CRY1: variants seen among roughly 807,000 people sequenced by gnomAD.
CRY1 encodes the protein cryptochrome-1.
CRY1 carries 45 observed loss-of-function variants against 76.0 expected under a neutral mutation model. The ratio of observed to expected loss-of-function variants is 0.59; its 90% CI spans 0.47 to 0.76. The LOEUF is 0.76. Among genes scored for constraint, CRY1 ranks in the 30% least tolerant of loss-of-function variants. The pLI is 0.00. For missense variants in CRY1, 587 were observed against 716.4 expected (o/e 0.82, Z 2.06); for synonymous variants, 248 against 244.0 (o/e 1.02, Z -0.15).
At chr12:107,083,604 C>G (rs1415988112) in intron 1 of CRY1, among the ~76,000 whole-genome samples, 10 of 152,112 alleles carry the variant, frequency 6.6e-5, no homozygotes, top group African/African-American at 2.2e-4. Flanking sequence ...ACAATTATCT[C>G]AATAGATGCA....
rs1952181985 is a variant in CRY1, at chr12:106,991,678, A to G, written c.*324T>C. On this transcript the variant is annotated 3_prime_UTR_variant, in exon 13 of 13. Transcript: ENST00000008527. ...TTTTCCCACTGACTTCAAAACTTTG[A>G]GTTTTATATCAGAATATCAATTTGT... is the stretch of plus-strand genomic sequence containing the variant. 1 of 152,590 alleles carries G rather than the reference A, an allele frequency of 6.6e-6. No homozygotes were observed. The highest frequency in any genetic ancestry group is 2.4e-5 in the African/African-American group (1 of 41,452). 9.5% of individuals were successfully genotyped at this position (152,590 alleles called of 1,614,324 possible).
At chr12:107,018,548 C>T (rs1026772396) in intron 2 of CRY1, among the ~76,000 whole-genome samples, 4 of 151,772 alleles carry the variant, frequency 2.6e-5, no homozygotes, top group African/African-American at 7.2e-5. Context: ...GACAGCACTA[C>T]TGCACTCCAG....
At chr12:107,076,470 G>A (rs1157625612) in intron 1 of CRY1, among the ~76,000 whole-genome samples, 2 of 151,768 alleles carry the variant, frequency 1.3e-5, no homozygotes, top group Non-Finnish European at 2.9e-5. Context: ...AATTAGCCAG[G>A]CATGGTGGCA....
chr12:107,050,965 A>G (rs1006026449), intron 1 of CRY1, among the ~76,000 whole-genome samples: 1 of 152,202 alleles, frequency 6.6e-6, no homozygotes, highest in African/African-American at 2.4e-5. Context: ...AGTGAGTATG[A>G]GAGCTCTAGA....
chr12:107,066,896 C>T (rs1215754203), intron 1 of CRY1, among the ~76,000 whole-genome samples: 1 of 152,040 alleles, frequency 6.6e-6, no homozygotes, highest in African/African-American at 2.4e-5. Context: ...ACCTCACATG[C>T]TCAAGTGATC....
At chr12:107,008,803 T>G (rs1952402992) in intron 2 of CRY1, among the ~76,000 whole-genome samples, 1 of 152,194 alleles carries the variant, frequency 6.6e-6, no homozygotes, top group Non-Finnish European at 1.5e-5. Flanking sequence ...CGTGCTGTTC[T>G]CATGATAGTG....
intron 3 of CRY1, among the ~76,000 whole-genome samples, chr12:107,003,686 A>G (rs1315722199): frequency 6.6e-6 from 1 of 152,232 alleles, no homozygotes; most frequent in African/African-American, 2.4e-5. Context: ...TACTGAGGAC[A>G]TTGTTAATTA....
chr12:107,082,697 G>A (rs915993616), intron 1 of CRY1, among the ~76,000 whole-genome samples: 7 of 152,146 alleles, frequency 4.6e-5, no homozygotes, highest in Non-Finnish European at 1.0e-4. Flanking sequence ...CTAAAGCAGT[G>A]TTAAGAGGGA....
chr12:107,041,384 A>G (rs759687509), intron 1 of CRY1, among the ~76,000 whole-genome samples: 1 of 152,224 alleles, frequency 6.6e-6, no homozygotes, highest in African/African-American at 2.4e-5. Context: ...GAAAGATGGT[A>G]ACTAATCTGG....
intron 1 of CRY1, among the ~76,000 whole-genome samples, chr12:107,062,307 C>T (rs1953058030): frequency 6.6e-6 from 1 of 152,062 alleles, no homozygotes; most frequent in African/African-American, 2.4e-5. Context: ...ACAATTTTCA[C>T]TTGATTATTA....
chr12:107,045,278 T>C (rs1166191183), intron 1 of CRY1, among the ~76,000 whole-genome samples: 1 of 151,926 alleles, frequency 6.6e-6, no homozygotes, highest in Non-Finnish European at 1.5e-5. Context: ...TCAGCAAAGA[T>C]ATCCTTCAGA....
At chr12:107,064,030 A>C (rs993670983) in intron 1 of CRY1, among the ~76,000 whole-genome samples, 6 of 152,164 alleles carry the variant, frequency 3.9e-5, no homozygotes, top group Non-Finnish European at 1.5e-5. Flanking sequence ...CTGAGAGTAT[A>C]CTTATTTTTT....
intron 1 of CRY1, among the ~76,000 whole-genome samples, chr12:107,058,118 A>G (rs1382294922): frequency 2.0e-5 from 3 of 152,200 alleles, no homozygotes; most frequent in Non-Finnish European, 4.4e-5. Flanking sequence ...GTTTAAAAAA[A>G]AGTTAAAGAT....
chr12:107,027,783 C>T (rs1264073233), intron 1 of CRY1, among the ~76,000 whole-genome samples: 7 of 152,034 alleles, frequency 4.6e-5, no homozygotes, highest in African/African-American at 1.4e-4. Flanking sequence ...TAGTATACTC[C>T]GTCACAATGA....
At chr12:107,009,087 C>T (rs557645498) in intron 2 of CRY1, among the ~76,000 whole-genome samples, 45 of 152,254 alleles carry the variant, frequency 3.0e-4, no homozygotes, top group African/African-American at 9.9e-4. Flanking sequence ...AAAGTATACA[C>T]GGGTGTTGAA....
chr12:107,064,923 C>A (rs1229407188), intron 1 of CRY1, among the ~76,000 whole-genome samples: 2 of 152,102 alleles, frequency 1.3e-5, no homozygotes, highest in African/African-American at 2.4e-5. Context: ...GAGGGAGGGG[C>A]AAAAGCTGGA....
chr12:107,087,064 A>C (rs1953411027), intron 1 of CRY1, among the ~76,000 whole-genome samples: 1 of 152,270 alleles, frequency 6.6e-6, no homozygotes. Context: ...AAAGGAAAAG[A>C]AAAGTCAGGG....
chr12:107,012,244 G>T (rs114401802), intron 2 of CRY1, among the ~76,000 whole-genome samples: 2 of 152,152 alleles, frequency 1.3e-5, no homozygotes, highest in African/African-American at 4.8e-5. Context: ...TCAAAGGACA[G>T]GCTGACTTTC....
chr12:107,013,079 TTGA>T (rs1952462816), intron 2 of CRY1, among the ~76,000 whole-genome samples: 1 of 152,226 alleles, frequency 6.6e-6, no homozygotes, highest in Non-Finnish European at 1.5e-5. Flanking sequence ...ACAAATTTAG[TTGA>T]TGAAGCAGTG....
Sources: allele counts gnomAD v4.1 joint callset (sites outside exome capture counted in the v4.1 genomes callset), GRCh38; gene constraint gnomAD v4.1.1; transcripts MANE v1.5; gene names NCBI Gene and HGNC (gene_info 2026-07-23, HGNC 2026-07-21).